Variants in USP4 observed in about 807,000 individuals in gnomAD.
USP4 encodes ubiquitin specific peptidase 4.
Under a neutral mutation model 118.2 loss-of-function variants are expected in USP4, and 72 were observed. The observed-to-expected ratio is 0.61, with a 90% CI of 0.50 to 0.74. USP4 has a LOEUF of 0.74. Ranked by LOEUF, USP4 falls within the 30% of genes least tolerant of loss-of-function variation. The probability of loss-of-function intolerance (pLI) is 0.00; values close to 1 mark genes in which losing one functional copy is unlikely to be tolerated. For synonymous variants in USP4, 415 were observed against 440.4 expected (o/e 0.94, Z 0.72); for missense variants, 1,037 against 1,185.7 (o/e 0.87, Z 1.84).
chr3:49,319,813 G>A (rs1259436884), intron 6 of USP4, among the ~76,000 whole-genome samples: 6 of 151,546 alleles, frequency 4.0e-5, no homozygotes, highest in Middle Eastern at 3.2e-3. Flanking sequence ...GGGGGGTCTC[G>A]CTATGTTCAC....
At chr3:49,281,794 T>C (rs1291550713) in intron 19 of USP4, among the ~76,000 whole-genome samples, 17 of 149,592 alleles carry the variant, frequency 1.1e-4, no homozygotes, top group African/African-American at 2.5e-5. Flanking sequence ...GGGTGGATCA[T>C]GAGGTCAGGA....
chr3:49,311,536 G>C lies in USP4; in HGVS notation c.814C>G (p.His272Asp). Residue 272 changes from histidine to aspartate, a missense_variant, in exon 7 of 22, where the codon CAC (histidine) becomes GAC (aspartate). Coordinates refer to ENST00000265560, the MANE Select transcript of USP4 (RefSeq NM_003363.4). ...TACCCCCTGCTGACACCGGAACTGT[G>C]CATCCCACAGGTGCTAGTGCTATCA... ...NGDSTSTCGM[H>D]SSGVSRGGSG... The C allele has an allele frequency of 2.5e-6, 4 of 1,613,734 alleles. No individual in the cohort carries two copies. Among genetic ancestry groups the C allele is most frequent in the Non-Finnish European group, 3.4e-6 (4 of 1,179,754 alleles).
intron 8 of USP4, 113 bp from the exon 9 acceptor site, chr3:49,306,001 C>T: frequency 9.2e-7 from 1 of 1,092,322 alleles, no homozygotes; most frequent in East Asian, 2.8e-5. Flanking sequence ...ATGAGGCACT[C>T]AGGAGATTCT....
chr3:49,279,147 G>T, intron 20 of USP4: 1 of 265,522 alleles, frequency 3.8e-6, no homozygotes, highest in Non-Finnish European at 7.1e-6. Context: ...CTATAATTTT[G>T]GGAAACTAAT....
In USP4 at chr3:49,297,935, T is replaced by C. The variant is rs568589140; in HGVS notation, c.1626A>G (p.Arg542=). The change falls in exon 13 of 22, where the codon CGA becomes CGG. Residue 542 remains arginine (R), a synonymous_variant. Coordinates refer to ENST00000265560, the MANE Select transcript of USP4 (RefSeq NM_003363.4). The stretch of plus-strand genomic sequence containing the variant: ...CATCCATTTGGAAAATTTTGTGGAA[T>C]CGGTGATTATACACATCTGCGACCA... The part of the protein sequence containing the change: ...NMVVADVYNH[R]FHKIFQMDEG... 6.2e-7 allele frequency: 1 copy of C among 1,614,058 alleles called. No homozygotes were observed. The highest frequency in any genetic ancestry group is 2.2e-5 in the East Asian group (1 of 44,886).
At chr3:49,300,772 T>C in intron 10 of USP4, 81 bp from the exon 11 acceptor site, 1 of 1,320,336 alleles carries the variant, frequency 7.6e-7, no homozygotes, top group South Asian at 1.3e-5. Context: ...ACAGCAAACC[T>C]GGAGATGAAT....
intron 8 of USP4, among the ~76,000 whole-genome samples, chr3:49,308,331 T>A (rs2047342073): frequency 6.6e-6 from 1 of 152,106 alleles, no homozygotes; most frequent in Non-Finnish European, 1.5e-5. Context: ...TTATTATATA[T>A]TTTTTTGAGA....
rs1361155715 is a variant in USP4, at chr3:49,277,160, G to C, written c.*1133C>G. The C allele has an allele frequency of 2.1e-6, 3 of 1,415,458 alleles. No homozygotes were observed. Among genetic ancestry groups the C allele is most frequent in the Non-Finnish European group, 2.8e-6 (3 of 1,069,808 alleles). 87.7% of individuals were successfully genotyped at this position (1,415,458 alleles called of 1,614,324 possible). A position where few individuals can be genotyped will look rare whatever the true frequency, so the allele number is the denominator to read the frequency against. On this transcript the variant is annotated 3_prime_UTR_variant, in exon 22 of 22. Transcript: ENST00000265560. ...CCTACCGGCACCCCCCCTTTGGCGA[G>C]TCGGCAGCCACGTCCTTGTCCTCAC...
chr3:49,283,893 GAA>G, intron 19 of USP4, 92 bp downstream of exon 19: 7 of 1,511,968 alleles, frequency 4.6e-6, no homozygotes, highest in African/African-American at 1.4e-5. Context: ...TCCTTACTCA[GAA>G]AAGTTTTTGG....
At chr3:49,329,315 T>A (rs1042498028) in intron 2 of USP4, among the ~76,000 whole-genome samples, 2 of 152,168 alleles carry the variant, frequency 1.3e-5, no homozygotes, top group Non-Finnish European at 2.9e-5. Flanking sequence ...CCCGTTGAAG[T>A]CATCCGTAAG....
rs2047381226 is a variant in USP4, at chr3:49,311,401, C to T, written c.836+113G>A. ...AGTGAGAAACTACATGTAGCATGTT[C>T]CCATGAGGAACTCTAACCCCACTAT... On this transcript the variant is annotated intron_variant, in intron 7 of 21. Coordinates refer to ENST00000265560, the MANE Select transcript of USP4 (RefSeq NM_003363.4). 4.3e-6 allele frequency: 5 copies of T among 1,169,546 alleles called. No homozygotes were observed. In the Admixed American group the frequency reaches 8.8e-5, roughly 21 times the overall value. 72.4% of individuals were successfully genotyped at this position (1,169,546 alleles called of 1,614,324 possible). A position where few individuals can be genotyped will look rare whatever the true frequency, so the allele number is the denominator to read the frequency against.
chr3:49,339,908 C>A lies in USP4; in HGVS notation c.101+16G>T, dbSNP rs757002190. The A allele has an allele frequency of 1.2e-6, 2 of 1,608,886 alleles. No individual in the cohort carries two copies. The highest frequency in any genetic ancestry group is 1.1e-5 in the South Asian group (1 of 90,888). ...CCCCTGGTTCTGCATAGAGGAAGAGCGAGCCGGGAGCTCACCACTGCGCCC... is the reference window on the plus strand; with the variant it reads ...CCCCTGGTTCTGCATAGAGGAAGAGAGAGCCGGGAGCTCACCACTGCGCCC... On this transcript the variant is annotated intron_variant, in intron 1 of 21. Coordinates refer to ENST00000265560, the MANE Select transcript of USP4 (RefSeq NM_003363.4).
At position 49,302,470 on chromosome 3, in the gene USP4, G is replaced by T; in HGVS notation, c.1201C>A (p.Leu401Ile). 1 of 1,614,180 alleles carries T rather than the reference G, an allele frequency of 6.2e-7. No homozygotes were observed. Among genetic ancestry groups the T allele is most frequent in the Non-Finnish European group, 8.5e-7 (1 of 1,180,024 alleles). The change falls in exon 10 of 22, where the codon CTT becomes ATT. Residue 401 changes from leucine (L) to isoleucine (I), a missense_variant. Around this residue, in one of 3 missense-constraint regions of USP4, gnomAD observed 487 missense variants for 534.1 expected, o/e 0.91. Transcript: ENST00000265560. The part of the protein sequence containing the change: ...QQDSQELLAF[L>I]LDGLHEDLNR... ...AGATCTTCATGCAATCCATCTAGAAGAAAGGCCAGCAGCTCCTGAGAATCT... is the reference window on the plus strand; with the variant it reads ...AGATCTTCATGCAATCCATCTAGAATAAAGGCCAGCAGCTCCTGAGAATCT...
chr3:49,317,243 A>G (rs758536772), intron 6 of USP4: 4 of 1,541,720 alleles, frequency 2.6e-6, no homozygotes, highest in African/African-American at 1.4e-5. Context: ...TTACTGCAAG[A>G]GGCAATCTTG....
chr3:49,334,348 G>A (rs1403595647), intron 2 of USP4, among the ~76,000 whole-genome samples: 12 of 152,190 alleles, frequency 7.9e-5, no homozygotes, highest in South Asian at 2.1e-4. Context: ...GGGCAACTTC[G>A]TGGCATAGTG....
chr3:49,321,140 GT>G (rs1307139880), intron 6 of USP4, among the ~76,000 whole-genome samples: 4 of 147,720 alleles, frequency 2.7e-5, no homozygotes, highest in Admixed American at 1.3e-4. Context: ...TCAGAAAGAT[GT>G]AAGCCTCCAT....
intron 2 of USP4, among the ~76,000 whole-genome samples, chr3:49,331,610 G>A (rs969062764): frequency 2.6e-5 from 4 of 152,172 alleles, no homozygotes; most frequent in African/African-American, 4.8e-5. Flanking sequence ...GACACAGCGA[G>A]ATTCTGTCCC....
rs2047308487 is a variant in USP4 at position 49,305,806 on chromosome 3, C to G, written c.1037G>C (p.Gly346Ala). The G allele has an allele frequency of 1.2e-6, 2 of 1,614,000 alleles. No individual in the cohort carries two copies. Among genetic ancestry groups the G allele is most frequent in the South Asian group, 1.1e-5 (1 of 91,078 alleles). ...EAEINRDNPL[G>A]MKGEIAEAYA... ...GGCTTCTGCAATTTCCCCTTTCATCCCCAGAGGGTTGTCTCTGTTGATTTC... is the reference window on the plus strand; with the variant it reads ...GGCTTCTGCAATTTCCCCTTTCATCGCCAGAGGGTTGTCTCTGTTGATTTC... Residue 346 changes from glycine to alanine, a missense_variant, in exon 9 of 22, where the codon GGG becomes GCG. Around this residue, in one of 3 missense-constraint regions of USP4, gnomAD observed 487 missense variants for 534.1 expected, o/e 0.91. Coordinates refer to ENST00000265560, the MANE Select transcript of USP4 (RefSeq NM_003363.4).
At position 49,277,150 on chromosome 3, in the gene USP4, C is replaced by G. The variant is rs764993697; in HGVS notation, c.*1143G>C. 261 of 1,438,144 alleles carry G rather than the reference C, an allele frequency of 1.8e-4. No homozygotes were observed. Among genetic ancestry groups the G allele is most frequent in the Admixed American group, 3.1e-4 (15 of 47,840 alleles). The allele number at this position is 1,438,144 out of a possible 1,614,324, so 89.1% of individuals were successfully genotyped here. On this transcript the variant is annotated 3_prime_UTR_variant, in exon 22 of 22. Coordinates refer to ENST00000265560, the MANE Select transcript of USP4 (RefSeq NM_003363.4). Reference sequence around the variant, plus strand: ...GGCCGCTGGCCCTACCGGCACCCCCCCTTTGGCGAGTCGGCAGCCACGTCC... The same window carrying G: ...GGCCGCTGGCCCTACCGGCACCCCCGCTTTGGCGAGTCGGCAGCCACGTCC...
Sources: allele counts gnomAD v4.1 joint callset (sites outside exome capture counted in the v4.1 genomes callset), GRCh38; gene constraint gnomAD v4.1.1; regional missense constraint gnomAD v4.1.1; transcripts MANE v1.5; gene names NCBI Gene and HGNC (gene_info 2026-07-23, HGNC 2026-07-21).